The following KIAA1671 variants were observed in gnomAD, a reference collection of about 807,000 sequenced individuals.
KIAA1671 encodes KIAA1671.
KIAA1671 carries 52 observed loss-of-function variants against 131.2 expected under a neutral mutation model. The ratio of observed to expected loss-of-function variants is 0.40; its 90% CI spans 0.32 to 0.50. KIAA1671 has a LOEUF of 0.50. KIAA1671 is among the 20% of genes least tolerant of loss of function. The pLI, the probability that KIAA1671 is intolerant of heterozygous loss-of-function variation, is 0.73. For missense variants in KIAA1671, 2,360 were observed against 2,364.2 expected (o/e 1.00, Z 0.04); for synonymous variants, 1,003 against 961.6 (o/e 1.04, Z -0.80).
chr22:25,188,695 A>G (rs546199961), intron 11 of KIAA1671, among the ~76,000 whole-genome samples: 1 of 152,300 alleles, frequency 6.6e-6, no homozygotes, highest in East Asian at 1.9e-4. Context: ...AGCTAGAGGA[A>G]AGATGTTATT....
At chr22:24,968,927 C>CAG (rs1922449917) in intron 1 of KIAA1671, among the ~76,000 whole-genome samples, 3 of 151,978 alleles carry the variant, frequency 2.0e-5, no homozygotes, top group Admixed American at 6.6e-5. Context: ...TGAGACAGGG[C>CAG]CTTGCCCTGT....
chr22:25,083,453 T>C (rs1340582234), intron 6 of KIAA1671, among the ~76,000 whole-genome samples: 1 of 152,328 alleles, frequency 6.6e-6, no homozygotes, highest in African/African-American at 2.4e-5. Flanking sequence ...TTTCAGTCCA[T>C]AGCAGCCAGG....
At chr22:25,071,392 C>T (rs137948473) in intron 6 of KIAA1671, among the ~76,000 whole-genome samples, 1 of 152,294 alleles carries the variant, frequency 6.6e-6, no homozygotes, top group South Asian at 2.1e-4. Context: ...GAGTGTCTCA[C>T]CTCCCTCCTG....
chr22:25,066,424 C>A (rs1928478670), intron 6 of KIAA1671, among the ~76,000 whole-genome samples: 1 of 152,154 alleles, frequency 6.6e-6, no homozygotes, highest in South Asian at 2.1e-4. Context: ...GTTGGAATTA[C>A]AGGGGTGAGC....
intron 6 of KIAA1671, among the ~76,000 whole-genome samples, chr22:25,159,053 G>A (rs960286014): frequency 6.6e-6 from 1 of 152,126 alleles, no homozygotes; most frequent in African/African-American, 2.4e-5. Flanking sequence ...AGGCTCTAGG[G>A]TGCCCACTGG....
chr22:24,982,921 C>T (rs769259638), intron 1 of KIAA1671, among the ~76,000 whole-genome samples: 11 of 152,238 alleles, frequency 7.2e-5, no homozygotes, highest in Non-Finnish European at 1.3e-4. Context: ...CTGCTTCAAC[C>T]TGCTGTGTGA....
At chr22:25,159,792 C>G (rs935351166) in intron 6 of KIAA1671, among the ~76,000 whole-genome samples, 7 of 152,332 alleles carry the variant, frequency 4.6e-5, no homozygotes, top group Admixed American at 3.3e-4. Context: ...AACTGCTAAC[C>G]TGTCCCACCT....
chr22:25,075,111 A>G, intron 6 of KIAA1671, among the ~76,000 whole-genome samples: 1 of 152,254 alleles, frequency 6.6e-6, no homozygotes, highest in East Asian at 1.9e-4. Flanking sequence ...ACTGTGAACT[A>G]AACTCCAGAC....
At chr22:25,127,574 C>T (rs1201936249) in intron 6 of KIAA1671, among the ~76,000 whole-genome samples, 1 of 152,156 alleles carries the variant, frequency 6.6e-6, no homozygotes, top group Non-Finnish European at 1.5e-5. Flanking sequence ...TCCTGCCCCA[C>T]CCCACCCCTA....
chr22:25,179,632 T>G, intron 9 of KIAA1671: 1 of 787,372 alleles, frequency 1.3e-6, no homozygotes, highest in Non-Finnish European at 2.0e-6. Context: ...TGGAAACTGA[T>G]TTCTTGTTAT....
chr22:25,064,289 G>C (rs990693130), intron 6 of KIAA1671: 1 of 152,042 alleles, frequency 6.6e-6, no homozygotes, highest in African/African-American at 2.4e-5. Context: ...TCAAAATTCT[G>C]ACCTCAAGTG....
Position 25,027,828 on chromosome 22 carries a change from G to A in KIAA1671, c.-55-117G>A. On this transcript the variant is annotated intron_variant, in intron 2 of 12. Transcript: ENST00000358431. ...AGCCTGCCGGGTGAGGTCAGCAGAG[G>A]GCTGTCGTATGGAATCTGGGGCTCA... The A allele has an allele frequency of 5.3e-6, 3 of 564,356 alleles. 1 individual carries two copies. The highest frequency in any genetic ancestry group is 5.7e-5 in the South Asian group (2 of 34,870). The allele number at this position is 564,356 out of a possible 1,614,324, so 35.0% of individuals were successfully genotyped here.
At position 25,186,796 on chromosome 22, in the gene KIAA1671, A is replaced by G. The variant is rs1416031971; in HGVS notation, c.5342+1677A>G. Among the ~76,000 whole-genome samples, 3 of 152,256 alleles carry G rather than the reference A, an allele frequency of 2.0e-5. No individual in the cohort carries two copies. The East Asian group carries it at 5.8e-4, about 29-fold the overall frequency. On this transcript the variant is annotated intron_variant, in intron 11 of 12. Coordinates refer to ENST00000358431, the MANE Select transcript of KIAA1671 (RefSeq NM_001145206.2). ...TAGCGCAGAGTGGGCTGTGGGAACC[A>G]GAAGGTGAGACATTAGAGAAAGACA...
intron 6 of KIAA1671, among the ~76,000 whole-genome samples, chr22:25,159,255 G>A (rs888813592): frequency 6.6e-6 from 1 of 152,180 alleles, no homozygotes; most frequent in Non-Finnish European, 1.5e-5. Flanking sequence ...TTTGGGTAAC[G>A]CTTGTCCCAT....
At chr22:25,154,686 G>GTGTT (rs1299402561) in intron 6 of KIAA1671, among the ~76,000 whole-genome samples, 1 of 152,168 alleles carries the variant, frequency 6.6e-6, no homozygotes, top group African/African-American at 2.4e-5. Context: ...CTGGGGTGGG[G>GTGTT]TGTTCATCAA....
At chr22:25,161,466 G>A (rs951448043) in intron 6 of KIAA1671, among the ~76,000 whole-genome samples, 36 of 152,236 alleles carry the variant, frequency 2.4e-4, no homozygotes, top group African/African-American at 8.2e-4. Flanking sequence ...AGGGGCCTGT[G>A]GCACGATGGT....
At chr22:25,113,401 G>C (rs1931482883) in intron 6 of KIAA1671, among the ~76,000 whole-genome samples, 2 of 152,246 alleles carry the variant, frequency 1.3e-5, no homozygotes. Flanking sequence ...ACCTGACTGT[G>C]TTGGCCCAGT....
chr22:25,042,498 A>G (rs1237056674), intron 5 of KIAA1671, among the ~76,000 whole-genome samples: 1 of 119,540 alleles, frequency 8.4e-6, no homozygotes, highest in African/African-American at 3.4e-5. Flanking sequence ...ACGGAGTCTC[A>G]CACTGTCACC....
At chr22:25,162,522 A>T (rs1278455181) in intron 6 of KIAA1671, among the ~76,000 whole-genome samples, 2 of 152,238 alleles carry the variant, frequency 1.3e-5, no homozygotes, top group African/African-American at 4.8e-5. Flanking sequence ...CCCCTGTGTA[A>T]CTATGTCACC....
Sources: allele counts gnomAD v4.1 joint callset (sites outside exome capture counted in the v4.1 genomes callset), GRCh38; gene constraint gnomAD v4.1.1; transcripts MANE v1.5; gene names NCBI Gene and HGNC (gene_info 2026-07-23, HGNC 2026-07-21).